Variants in MCUB observed in about 807,000 individuals in gnomAD.
MCUB encodes the protein calcium uniporter regulatory subunit MCUb, mitochondrial.
MCUB carries 46 observed loss-of-function variants against 41.4 expected under a neutral mutation model. The ratio of observed to expected loss-of-function variants is 1.11; its 90% CI spans 0.88 to 1.42. MCUB has a LOEUF of 1.42. Ranked by LOEUF, MCUB falls within the 40% of genes most tolerant of loss-of-function variation. The pLI is 0.00. For synonymous variants in MCUB, 148 were observed against 148.2 expected (o/e 1.00, Z 0.01); for missense variants, 403 against 404.9 (o/e 1.00, Z 0.04).
intron 1 of MCUB, among the ~76,000 whole-genome samples, chr4:109,597,226 C>T (rs1032936449): frequency 5.9e-5 from 9 of 152,162 alleles, no homozygotes; most frequent in Non-Finnish European, 1.5e-5. Context: ...TCATCCTGGC[C>T]CGTTCTCAAT....
chr4:109,635,114 C>G (rs1377419086), intron 1 of MCUB, among the ~76,000 whole-genome samples: 1 of 152,092 alleles, frequency 6.6e-6, no homozygotes, highest in African/African-American at 2.4e-5. Flanking sequence ...CATCCATGTC[C>G]CTGCAAAGGA....
intron 1 of MCUB, among the ~76,000 whole-genome samples, chr4:109,642,329 T>A (rs894472138): frequency 3.3e-5 from 5 of 152,196 alleles, no homozygotes; most frequent in East Asian, 3.8e-4. Context: ...ATGGAGTTCT[T>A]GCCCATGGAT....
rs527739972 is a variant in MCUB at position 109,667,162 on chromosome 4, A to G, written c.451+2768A>G. ...TTCTGAAAGAGATTGTAGATAATTA[A>G]TATAGTTTCTTCCTTTGATGTTTGG... On this transcript the variant is annotated intron_variant, in intron 4 of 7. Transcript: ENST00000394650. 2.6e-5 allele frequency among the ~76,000 whole-genome samples: 4 copies of G among 152,160 alleles called. No individual in the cohort carries two copies. The South Asian group carries it at 6.2e-4, about 24-fold the overall frequency.
intron 1 of MCUB, among the ~76,000 whole-genome samples, chr4:109,601,876 C>T (rs946232052): frequency 6.6e-6 from 1 of 152,184 alleles, no homozygotes; most frequent in African/African-American, 2.4e-5. Context: ...GGCTCCCTCT[C>T]TCCACATCTT....
chr4:109,650,990 C>T (rs1391773339), intron 1 of MCUB, among the ~76,000 whole-genome samples: 1 of 152,198 alleles, frequency 6.6e-6, no homozygotes, highest in African/African-American at 2.4e-5. Context: ...TGCATGATTT[C>T]AACTCACCCC....
intron 1 of MCUB, among the ~76,000 whole-genome samples, chr4:109,578,018 T>C (rs1727074455): frequency 6.6e-6 from 1 of 152,170 alleles, no homozygotes; most frequent in Admixed American, 6.5e-5. Context: ...TAAAAGAGAG[T>C]TTGATTCTTT....
At chr4:109,673,326 C>A (rs1729500235) in intron 4 of MCUB, among the ~76,000 whole-genome samples, 1 of 152,158 alleles carries the variant, frequency 6.6e-6, no homozygotes, top group Admixed American at 6.5e-5. Flanking sequence ...CCACATGGAC[C>A]ATAAGCCTTA....
intron 1 of MCUB, among the ~76,000 whole-genome samples, chr4:109,624,854 A>T (rs375021409): frequency 3.3e-5 from 5 of 152,160 alleles, no homozygotes; most frequent in African/African-American, 9.7e-5. Flanking sequence ...TCCAAACCTG[A>T]TGTCGGCCAG....
At chr4:109,566,185 A>T in intron 1 of MCUB, among the ~76,000 whole-genome samples, 2 of 145,946 alleles carry the variant, frequency 1.4e-5, no homozygotes, top group African/African-American at 2.5e-5. Context: ...AAGGAAAAAC[A>T]GTGGCCGGGC....
rs539065828 is a variant in MCUB, at chr4:109,645,273, T to C, written c.100-13738T>C. On this transcript the variant is annotated intron_variant, in intron 1 of 7. Coordinates refer to ENST00000394650, the MANE Select transcript of MCUB (RefSeq NM_017918.5). ...TGTACGAGTAGTTACAACTGAACTGTCACTAAGGCCTACTGGTTGTACTTC... is the reference window on the plus strand; with the variant it reads ...TGTACGAGTAGTTACAACTGAACTGCCACTAAGGCCTACTGGTTGTACTTC... Among the ~76,000 whole-genome samples the C allele has an allele frequency of 2.6e-5, 4 of 152,176 alleles. No individual in the cohort carries two copies. In the South Asian group the frequency reaches 8.3e-4, roughly 32 times the overall value.
chr4:109,604,970 C>T, intron 1 of MCUB, among the ~76,000 whole-genome samples: 1 of 152,070 alleles, frequency 6.6e-6, no homozygotes, highest in Non-Finnish European at 1.5e-5. Context: ...GGGATATTGA[C>T]CTGTAGATTT....
chr4:109,586,300 A>G (rs1318833423), intron 1 of MCUB, among the ~76,000 whole-genome samples: 1 of 152,114 alleles, frequency 6.6e-6, no homozygotes, highest in Non-Finnish European at 1.5e-5. Context: ...TTTCAGTTCC[A>G]TCAGGTCATT....
At chr4:109,665,164 T>C (rs1031765023) in intron 4 of MCUB, among the ~76,000 whole-genome samples, 1 of 152,234 alleles carries the variant, frequency 6.6e-6, no homozygotes, top group Non-Finnish European at 1.5e-5. Context: ...TTGTATATTC[T>C]ATAGATTGTG....
chr4:109,560,491 G>T lies in MCUB; in HGVS notation c.99+55G>T, dbSNP rs544350926. On this transcript the variant is annotated intron_variant, in intron 1 of 7. Transcript: ENST00000394650. ...CGGGGTAGGCTGGTGCAAAGTTTGC[G>T]TTGGACAACTTTGGCGGGAGCAAAA... 3 of 854,614 alleles carry T rather than the reference G, an allele frequency of 3.5e-6. No homozygotes were observed. In the East Asian group the frequency reaches 1.0e-4, roughly 29 times the overall value. The allele number at this position is 854,614 out of a possible 1,614,324, so 52.9% of individuals were successfully genotyped here. A position where few individuals can be genotyped will look rare whatever the true frequency, so the allele number is the denominator to read the frequency against.
At chr4:109,622,674 T>C (rs1324660616) in intron 1 of MCUB, among the ~76,000 whole-genome samples, 4 of 152,214 alleles carry the variant, frequency 2.6e-5, no homozygotes, top group Non-Finnish European at 5.9e-5. Flanking sequence ...TATATATGCC[T>C]CCATGGGTGT....
intron 4 of MCUB, among the ~76,000 whole-genome samples, chr4:109,676,571 TC>T (rs1228748941): frequency 3.9e-5 from 6 of 152,190 alleles, no homozygotes; most frequent in African/African-American, 1.4e-4. Flanking sequence ...TCCAAACTCT[TC>T]CAGCCTTTGC....
intron 1 of MCUB, chr4:109,648,335 T>C (rs906492537): frequency 5.0e-6 from 1 of 200,686 alleles, no homozygotes; most frequent in African/African-American, 2.4e-5. Flanking sequence ...AGAAGGGATG[T>C]AAATACAGTC....
In MCUB at chr4:109,577,702, CG is replaced by C. The variant is rs1331327852; in HGVS notation, c.99+17270del. On this transcript the variant is annotated intron_variant, in intron 1 of 7. Transcript: ENST00000394650. Reference sequence around the variant, plus strand: ...TCGGCTCACTGCAGGCTCCGCCCCCCGGGGTTCACGCCATTCTCCTGCCTCA... The same window carrying C: ...TCGGCTCACTGCAGGCTCCGCCCCCCGGGTTCACGCCATTCTCCTGCCTCA... Among the ~76,000 whole-genome samples, 276 of 39,394 alleles carry C rather than the reference CG, an allele frequency of 7.0e-3. 66 individuals carry two copies. Among genetic ancestry groups the C allele is most frequent in the African/African-American group, 0.014 (173 of 11,954 alleles). The allele number at this position is 39,394 out of a possible 152,430, so 25.8% of individuals were successfully genotyped here.
At chr4:109,580,987 T>G (rs887356943) in intron 1 of MCUB, among the ~76,000 whole-genome samples, 19 of 152,162 alleles carry the variant, frequency 1.2e-4, no homozygotes, top group Non-Finnish European at 2.8e-4. Flanking sequence ...GCCATCCCCA[T>G]CAATCTACCA....
Sources: allele counts gnomAD v4.1 joint callset (sites outside exome capture counted in the v4.1 genomes callset), GRCh38; gene constraint gnomAD v4.1.1; transcripts MANE v1.5; gene names NCBI Gene and HGNC (gene_info 2026-07-23, HGNC 2026-07-21).